Variants in IGSF11 observed in about 807,000 individuals in gnomAD.
The protein encoded by IGSF11 is immunoglobulin superfamily member 11.
In IGSF11, 22 loss-of-function variants were observed where a neutral mutation model predicts 41.0. The observed-to-expected ratio is 0.54, with a 90% CI of 0.38 to 0.77. The LOEUF is 0.77. IGSF11 is among the 30% of genes least tolerant of loss of function. IGSF11 has a pLI of 0.00. For synonymous variants in IGSF11, 219 were observed against 201.3 expected (o/e 1.09, Z -0.74); for missense variants, 444 against 530.8 (o/e 0.84, Z 1.61).
At chr3:119,124,179 A>T (rs1313594511) in intron 1 of IGSF11, among the ~76,000 whole-genome samples, 1 of 152,108 alleles carries the variant, frequency 6.6e-6, no homozygotes, top group Non-Finnish European at 1.5e-5. Context: ...TATCACATAA[A>T]TTTAACAAAG....
chr3:118,973,055 C>T (rs1933633064), intron 1 of IGSF11, among the ~76,000 whole-genome samples: 1 of 152,202 alleles, frequency 6.6e-6, no homozygotes, highest in African/African-American at 2.4e-5. Flanking sequence ...TATGTCTGTT[C>T]TAACTGCTTA....
chr3:118,970,512 T>C (rs928654531), intron 1 of IGSF11, among the ~76,000 whole-genome samples: 7 of 152,180 alleles, frequency 4.6e-5, no homozygotes, highest in Non-Finnish European at 7.3e-5. Context: ...AAATTCATGG[T>C]TTCCTGCCTT....
intron 1 of IGSF11, among the ~76,000 whole-genome samples, chr3:119,114,103 C>G (rs2077223345): frequency 6.6e-6 from 1 of 152,214 alleles, no homozygotes; most frequent in African/African-American, 2.4e-5. Context: ...GCCCATGAAA[C>G]CTAAGCCTCC....
chr3:119,090,866 C>T (rs2076750737), intron 1 of IGSF11, among the ~76,000 whole-genome samples: 1 of 152,098 alleles, frequency 6.6e-6, no homozygotes, highest in Admixed American at 6.6e-5. Context: ...ACTATAAAAA[C>T]AAAAACAAAA....
At chr3:119,108,220 G>T (rs1331592148), upstream of IGSF11, among the ~76,000 whole-genome samples, 2 of 151,456 alleles carry the variant, frequency 1.3e-5, no homozygotes, top group Admixed American at 6.6e-5. Flanking sequence ...CTACCCATGA[G>T]CATGGAATGT....
chr3:118,988,597 G>A (rs1487364467), intron 1 of IGSF11, among the ~76,000 whole-genome samples: 1 of 152,212 alleles, frequency 6.6e-6, no homozygotes, highest in Admixed American at 6.5e-5. Flanking sequence ...TGTGAATGAG[G>A]ATGGGGGAAG....
chr3:118,981,568 T>C (rs1934721678), intron 1 of IGSF11, among the ~76,000 whole-genome samples: 1 of 152,172 alleles, frequency 6.6e-6, no homozygotes, highest in South Asian at 2.1e-4. Context: ...TGTTCCTCAA[T>C]GTGATTGTTC....
chr3:119,001,769 G>C (rs994070450), intron 1 of IGSF11, among the ~76,000 whole-genome samples: 1 of 149,546 alleles, frequency 6.7e-6, no homozygotes, highest in Non-Finnish European at 1.5e-5. Flanking sequence ...ATGGTTTCCA[G>C]TTTCATCCAT....
chr3:119,051,480 A>G (rs556980024), intron 1 of IGSF11, among the ~76,000 whole-genome samples: 2 of 152,314 alleles, frequency 1.3e-5, no homozygotes, highest in Non-Finnish European at 2.9e-5. Flanking sequence ...TTTATAAAAC[A>G]ATTACTACAA....
rs767829105 is a variant in IGSF11, at chr3:118,904,641, T to A, written c.854+7A>T. On this transcript the variant is annotated splice_region_variant and intron_variant, in intron 6 of 6. Transcript: ENST00000393775. ...CAGGACAAATTTTAAAAATCTGACA[T>A]ACAAACCTTATTTCATTAGGAATTT... is the stretch of plus-strand genomic sequence containing the variant. 5.0e-6 allele frequency: 8 copies of A among 1,603,412 alleles called. No homozygotes were observed. In the East Asian group the frequency reaches 1.8e-4, roughly 36 times the overall value.
intron 1 of IGSF11, among the ~76,000 whole-genome samples, chr3:118,962,631 C>T (rs1354323430): frequency 1.3e-5 from 2 of 151,958 alleles, no homozygotes; most frequent in Non-Finnish European, 2.9e-5. Flanking sequence ...CAGTATGTAG[C>T]CATAAATAAA....
intron 1 of IGSF11, among the ~76,000 whole-genome samples, chr3:119,085,239 A>G (rs1367480525): frequency 1.3e-5 from 2 of 152,168 alleles, no homozygotes; most frequent in African/African-American, 2.4e-5. Context: ...CCTGTCGCCC[A>G]TTGTCTCAAG....
chr3:118,956,281 A>C (rs575034727), intron 1 of IGSF11, among the ~76,000 whole-genome samples: 1 of 152,160 alleles, frequency 6.6e-6, no homozygotes, highest in Non-Finnish European at 1.5e-5. Flanking sequence ...CTCTCTTATA[A>C]GTTGTGTGTT....
In IGSF11 at chr3:118,935,365, C is replaced by T. The variant is rs114008839; in HGVS notation, c.53-5090G>A. 8.7e-3 allele frequency among the ~76,000 whole-genome samples: 1,161 copies of T among 133,714 alleles called. 26 individuals carry two copies. The highest frequency in any genetic ancestry group is 0.034 in the African/African-American group (1,108 of 32,946). 87.7% of individuals were successfully genotyped at this position (133,714 alleles called of 152,430 possible). On this transcript the variant is annotated intron_variant, in intron 1 of 6. Transcript: ENST00000393775. ...ATATATATATACATGTATATACACC[C>T]TGAGATATATACACACACACACACA...
chr3:119,029,063 C>T (rs1165103207), intron 1 of IGSF11, among the ~76,000 whole-genome samples: 1 of 151,788 alleles, frequency 6.6e-6, no homozygotes, highest in African/African-American at 2.4e-5. Flanking sequence ...AAGAAAACAA[C>T]AGTCTTCTCA....
intron 1 of IGSF11, among the ~76,000 whole-genome samples, chr3:119,103,804 T>C (rs1044025227): frequency 8.5e-5 from 13 of 152,286 alleles, no homozygotes; most frequent in Middle Eastern, 3.4e-3. Context: ...TTAAGGAGAC[T>C]TCCACTACCA....
At chr3:118,942,152 TG>T (rs764832552) in intron 1 of IGSF11, among the ~76,000 whole-genome samples, 2 of 152,182 alleles carry the variant, frequency 1.3e-5, no homozygotes, top group African/African-American at 2.4e-5. Flanking sequence ...TTTAAAAAAA[TG>T]TTTTTTTAGA....
chr3:119,121,640 G>A (rs2077334685), intron 1 of IGSF11, among the ~76,000 whole-genome samples: 1 of 151,668 alleles, frequency 6.6e-6, no homozygotes, highest in Non-Finnish European at 1.5e-5. Flanking sequence ...AAGAGAATGG[G>A]ACTGAAAGAA....
intron 1 of IGSF11, among the ~76,000 whole-genome samples, chr3:119,069,139 A>C (rs1942324845): frequency 6.6e-6 from 1 of 151,780 alleles, no homozygotes; most frequent in Non-Finnish European, 1.5e-5. Context: ...GTGTTAGCCA[A>C]GATGGTCTCG....
Sources: allele counts gnomAD v4.1 joint callset (sites outside exome capture counted in the v4.1 genomes callset), GRCh38; gene constraint gnomAD v4.1.1; transcripts MANE v1.5; gene names NCBI Gene and HGNC (gene_info 2026-07-23, HGNC 2026-07-21).